The following HSPG2 variants were observed in gnomAD, a reference collection of about 807,000 sequenced individuals.
The protein encoded by HSPG2 is basement membrane-specific heparan sulfate proteoglycan core protein.
A neutral mutation model predicts 526.6 loss-of-function variants in HSPG2; 278 were observed. The observed-to-expected ratio is 0.53, with a 90% confidence interval of 0.48 to 0.58. The LOEUF (loss-of-function observed/expected upper bound fraction) is 0.58. HSPG2 is among the 20% of genes least tolerant of loss of function. The probability of loss-of-function intolerance (pLI) is 0.00; values close to 1 mark genes in which losing one functional copy is unlikely to be tolerated. For missense variants in HSPG2, 5,354 were observed against 6,099.5 expected (o/e 0.88, Z 4.07); for synonymous variants, 2,465 against 2,555.4 (o/e 0.96, Z 1.07).
chr1:21,878,336 A>G, intron 20 of HSPG2, 83 bp from the exon 21 acceptor site: 1 of 1,580,812 alleles, frequency 6.3e-7, no homozygotes, highest in Non-Finnish European at 8.6e-7. Flanking sequence ...GTGGCTCCCC[A>G]AGGTTCATGA....
At position 21,880,210 on chromosome 1, in the gene HSPG2, G is replaced by A. The variant is rs1641387041; in HGVS notation, c.2240C>T (p.Ala747Val). 6.2e-7 allele frequency: 1 copy of A among 1,614,050 alleles called. No individual in the cohort carries two copies. The highest frequency in any genetic ancestry group is 1.7e-5 in the Admixed American group (1 of 60,006). ...CCCACCAGGCACCCGAGTGAAGTGGGCATCACAGCTCTCGCAGGACAAGCC... is the reference window on the plus strand; with the variant it reads ...CCCACCAGGCACCCGAGTGAAGTGGACATCACAGCTCTCGCAGGACAAGCC... ...YSGLSCESCD[A>V]HFTRVPGGPY... Residue 747 changes from alanine (A) to valine (V), a missense_variant, in exon 17 of 97, where the codon GCC becomes GTC. By Grantham distance (64) the Ala-to-Val change is moderately conservative. Coordinates refer to ENST00000374695, the MANE Select transcript of HSPG2 (RefSeq NM_005529.7).
chr1:21,875,969 C>G lies in HSPG2; in HGVS notation c.3077G>C (p.Gly1026Ala), dbSNP rs1187364643. 7.4e-6 allele frequency: 12 copies of G among 1,614,074 alleles called. No homozygotes were observed. Among genetic ancestry groups the G allele is most frequent in the Non-Finnish European group, 1.0e-5 (12 of 1,180,026 alleles). The change falls in exon 24 of 97, where the codon GGG becomes GCG. Residue 1026 changes from glycine to alanine, a missense_variant. Physicochemically the swap from Gly to Ala is moderately conservative, Grantham distance 60. Transcript: ENST00000374695. ...ACCTTGCAGCACCACCAACGGCTGC[C>G]CGTGCAGGGGTGTGGAGCCCGGCTG... ...RSQPGSTPLH[G>A]QPLVVLQGNN...
At chr1:21,875,239 G>T in intron 25 of HSPG2, 1 of 609,122 alleles carries the variant, frequency 1.6e-6, no homozygotes, top group Non-Finnish European at 2.9e-6. Context: ...TTCCCCTGGG[G>T]TCCCCAATGA....
chr1:21,851,293 T>G, intron 55 of HSPG2: 9 of 560,958 alleles, frequency 1.6e-5, no homozygotes, highest in Non-Finnish European at 1.6e-5. Flanking sequence ...ATTGTTACCA[T>G]TTTATAGGCC....
In HSPG2 at chr1:21,852,933, G is replaced by C; in HGVS notation, c.6577C>G (p.Pro2193Ala). ...VTWHKRGGSL[P>A]ARHQTHGSLL... The stretch of plus-strand genomic sequence containing the variant: ...GGCTGCCATACCTGGTGCCGGGCAG[G>C]GAGGCTGCCCCCACGCTTGTGCCAC... The change falls in exon 51 of 97, where the codon CCT (proline) becomes GCT (alanine). Residue 2193 changes from proline to alanine, a missense_variant. Pro to Ala is a conservative substitution (Grantham distance 27). Coordinates refer to ENST00000374695, the MANE Select transcript of HSPG2 (RefSeq NM_005529.7). 6.2e-7 allele frequency: 1 copy of C among 1,613,206 alleles called. No individual in the cohort carries two copies. Among genetic ancestry groups the C allele is most frequent in the South Asian group, 1.1e-5 (1 of 91,038 alleles).
intron 1 of HSPG2, among the ~76,000 whole-genome samples, chr1:21,899,682 C>T (rs547978597): frequency 1.3e-5 from 2 of 152,342 alleles, no homozygotes; most frequent in South Asian, 4.1e-4. Context: ...CTGCATGCCA[C>T]TTTGCAATGC....
chr1:21,823,535 GA>G, intron 96 of HSPG2, 47 bp from the exon 97 acceptor site: 1 of 1,608,978 alleles, frequency 6.2e-7, no homozygotes, highest in Non-Finnish European at 8.5e-7. Flanking sequence ...AGCAGCCCAG[GA>G]GGCGAGGAAG....
At chr1:21,889,894 G>A (rs767569740) in intron 6 of HSPG2, 87 bp downstream of exon 6, 2 of 1,383,570 alleles carry the variant, frequency 1.4e-6, no homozygotes, top group Non-Finnish European at 2.1e-6. Context: ...TGGTGTGCAA[G>A]CCCAAGTTGG....
At chr1:21,905,162 ACCAC>A (rs748449313) in intron 1 of HSPG2, among the ~76,000 whole-genome samples, 6,287 of 114,218 alleles carry the variant, frequency 0.055, 254 homozygotes, top group African/African-American at 0.12. Flanking sequence ...ACACACACCC[ACCAC>A]CCACCCACAC....
intron 3 of HSPG2, among the ~76,000 whole-genome samples, chr1:21,891,194 A>G (rs1642334347): frequency 1.3e-5 from 2 of 152,190 alleles, no homozygotes; most frequent in Non-Finnish European, 2.9e-5. Flanking sequence ...TCCCTAGCAG[A>G]GCACCTTCCA....
In HSPG2 at chr1:21,876,408, G is replaced by A; in HGVS notation, c.2827-3C>T. 1 of 1,610,244 alleles carries A rather than the reference G, an allele frequency of 6.2e-7. No homozygotes were observed. The highest frequency in any genetic ancestry group is 8.5e-7 in the Non-Finnish European group (1 of 1,178,268). Reference sequence around the variant, plus strand: ...GGCTCCTCAGAGGCCCCATGCAACTGGGAGGAGGAGAAAGGGCTGGGATGG... The same window carrying A: ...GGCTCCTCAGAGGCCCCATGCAACTAGGAGGAGGAGAAAGGGCTGGGATGG... On this transcript the variant is annotated splice_polypyrimidine_tract_variant and splice_region_variant and intron_variant, in intron 22 of 96. Coordinates refer to ENST00000374695, the MANE Select transcript of HSPG2 (RefSeq NM_005529.7).
At position 21,823,219 on chromosome 1, in the gene HSPG2, G is replaced by C. The variant is rs912184337; in HGVS notation, c.*97C>G. The C allele has an allele frequency of 7.5e-6, 9 of 1,192,178 alleles. No homozygotes were observed. Among genetic ancestry groups the C allele is most frequent in the Non-Finnish European group, 1.0e-5 (9 of 899,236 alleles). The allele number at this position is 1,192,178 out of a possible 1,614,324, so 73.8% of individuals were successfully genotyped here. On this transcript the variant is annotated 3_prime_UTR_variant, in exon 97 of 97. Coordinates refer to ENST00000374695, the MANE Select transcript of HSPG2 (RefSeq NM_005529.7). ...TAGCAGCAAAGCGTGGCATCGCCTC[G>C]GTTTCTTACAAAAATTCATAATAAT...
chr1:21,835,462 G>A (rs530593404), intron 76 of HSPG2, 78 bp downstream of exon 76: 4 of 923,072 alleles, frequency 4.3e-6, no homozygotes, highest in South Asian at 2.6e-5. Flanking sequence ...CTAGGGAACA[G>A]GGTCTGGGCC....
intron 15 of HSPG2, 35 bp from the exon 16 acceptor site, chr1:21,880,594 C>T (rs778042782): frequency 6.2e-7 from 1 of 1,608,154 alleles, no homozygotes; most frequent in East Asian, 2.2e-5. Context: ...GGTCACACAT[C>T]AGTGCCTACC....
chr1:21,931,361 GC>G (rs928562176), intron 1 of HSPG2, among the ~76,000 whole-genome samples: 19 of 152,270 alleles, frequency 1.2e-4, no homozygotes, highest in African/African-American at 3.9e-4. Context: ...GGCCCCGGGA[GC>G]AGGAGGGGGT....
chr1:21,873,635 G>C (rs372084401), intron 29 of HSPG2, among the ~76,000 whole-genome samples: 5 of 152,168 alleles, frequency 3.3e-5, no homozygotes, highest in African/African-American at 1.2e-4. Flanking sequence ...AGGAACCCAG[G>C]AGTTTCAGAA....
chr1:21,850,966 G>A (rs1638841188), intron 55 of HSPG2, among the ~76,000 whole-genome samples: 12 of 149,036 alleles, frequency 8.1e-5, no homozygotes, highest in Admixed American at 7.3e-4. Context: ...AGATAATTCT[G>A]TGAGGTACTT....
intron 1 of HSPG2, among the ~76,000 whole-genome samples, chr1:21,933,446 G>A (rs1408529731): frequency 6.6e-6 from 1 of 152,150 alleles, no homozygotes; most frequent in Non-Finnish European, 1.5e-5. Context: ...GGGTAAGTCT[G>A]AAGTACCCGT....
At chr1:21,907,949 C>T (rs1557819498) in intron 1 of HSPG2, 4 of 509,192 alleles carry the variant, frequency 7.9e-6, no homozygotes, top group Non-Finnish European at 1.5e-5. Flanking sequence ...TGGGCACGAT[C>T]ATTCATAGTA....
Sources: gnomAD v4.1 joint callset for allele counts (sites outside exome capture counted in the v4.1 genomes callset) on GRCh38, gnomAD v4.1.1 for gene constraint, MANE v1.5 for transcripts, NCBI Gene and HGNC (gene_info 2026-07-23, HGNC 2026-07-21) for gene names.